Variants in MYRIP observed in about 807,000 individuals in gnomAD.
MYRIP encodes the protein myosin VIIA and Rab interacting protein.
In MYRIP, 49 loss-of-function variants were observed where a neutral mutation model predicts 98.0. The ratio of observed to expected loss-of-function variants is 0.50; its 90% CI spans 0.40 to 0.63. MYRIP has a LOEUF of 0.63. Ranked by LOEUF, MYRIP falls within the 30% of genes least tolerant of loss-of-function variation. The pLI, the probability that MYRIP is intolerant of heterozygous loss-of-function variation, is 0.00. For missense variants in MYRIP, 1,004 were observed against 1,058.2 expected (o/e 0.95, Z 0.71); for synonymous variants, 404 against 409.5 (o/e 0.99, Z 0.16).
intron 4 of MYRIP, among the ~76,000 whole-genome samples, chr3:40,153,009 C>T (rs1279535563): frequency 6.6e-6 from 1 of 151,468 alleles, no homozygotes. Context: ...CTTTGAGCTA[C>T]TTGGGAGACT....
intron 1 of MYRIP, among the ~76,000 whole-genome samples, chr3:39,879,674 T>C (rs1336481111): frequency 1.3e-5 from 2 of 152,142 alleles, no homozygotes; most frequent in Non-Finnish European, 2.9e-5. Flanking sequence ...GCTTGAGATA[T>C]TTATTAAGAC....
chr3:40,125,087 A>G (rs1949495048), intron 3 of MYRIP, among the ~76,000 whole-genome samples: 1 of 152,202 alleles, frequency 6.6e-6, no homozygotes, highest in South Asian at 2.1e-4. Context: ...TAAGGATTAG[A>G]ACCAGGCCTG....
chr3:40,030,925 AAAC>A (rs1947246790), intron 2 of MYRIP, among the ~76,000 whole-genome samples: 1 of 152,112 alleles, frequency 6.6e-6, no homozygotes, highest in African/African-American at 2.4e-5. Context: ...AATATACTAA[AAAC>A]CGCTGAATTG....
At position 40,100,158 on chromosome 3, in the gene MYRIP, C is replaced by G. The variant is rs941840016; in HGVS notation, c.333-50890C>G. The G allele has an allele frequency of 4.1e-6, 4 of 985,314 alleles. No individual in the cohort carries two copies. In the African/African-American group the frequency reaches 7.0e-5, roughly 17 times the overall value. The allele number at this position is 985,314 out of a possible 1,614,324, so 61.0% of individuals were successfully genotyped here. On this transcript the variant is annotated intron_variant, in intron 3 of 16. Transcript: ENST00000302541. Reference sequence around the variant, plus strand: ...GACATGGAGTGAAGATTTTGGAGCTCTGTGCCCTGTGTCCTGGCGTTTAAT... The same window carrying G: ...GACATGGAGTGAAGATTTTGGAGCTGTGTGCCCTGTGTCCTGGCGTTTAAT...
chr3:39,928,022 G>T (rs958624087), intron 2 of MYRIP, among the ~76,000 whole-genome samples: 2 of 151,938 alleles, frequency 1.3e-5, no homozygotes, highest in African/African-American at 4.8e-5. Flanking sequence ...AGGCATTGAA[G>T]ACACATACCT....
At chr3:40,086,926 G>T (rs1385248231) in intron 3 of MYRIP, among the ~76,000 whole-genome samples, 1 of 152,042 alleles carries the variant, frequency 6.6e-6, no homozygotes, top group Non-Finnish European at 1.5e-5. Flanking sequence ...GGCATTCAGA[G>T]CTCTGGGGTA....
chr3:39,904,328 C>T (rs958927203), intron 2 of MYRIP, among the ~76,000 whole-genome samples: 5 of 152,090 alleles, frequency 3.3e-5, no homozygotes, highest in Non-Finnish European at 7.4e-5. Flanking sequence ...CTCTGTCTCC[C>T]GGGTTCAAGA....
At chr3:39,985,996 GA>G (rs1384389650) in intron 2 of MYRIP, among the ~76,000 whole-genome samples, 2 of 152,132 alleles carry the variant, frequency 1.3e-5, no homozygotes, top group Admixed American at 6.5e-5. Flanking sequence ...CACAGCAAAA[GA>G]AACTACCATC....
chr3:40,179,868 G>A (rs991687847), intron 8 of MYRIP, among the ~76,000 whole-genome samples: 19 of 152,330 alleles, frequency 1.2e-4, no homozygotes, highest in South Asian at 4.1e-4. Context: ...GGCCAAGGGC[G>A]TGTCCCTCTT....
At chr3:39,879,760 T>C (rs1453554017) in intron 1 of MYRIP, among the ~76,000 whole-genome samples, 1 of 152,192 alleles carries the variant, frequency 6.6e-6, no homozygotes, top group Non-Finnish European at 1.5e-5. Context: ...TGCTCAGATT[T>C]TTCACGGTTC....
intron 3 of MYRIP, among the ~76,000 whole-genome samples, chr3:40,120,372 A>T (rs1360993392): frequency 6.6e-6 from 1 of 152,202 alleles, no homozygotes; most frequent in Non-Finnish European, 1.5e-5. Flanking sequence ...ACTTAACATT[A>T]CCATTAGTCA....
chr3:40,255,737 A>T (rs1953566023), intron 16 of MYRIP, among the ~76,000 whole-genome samples: 2 of 152,210 alleles, frequency 1.3e-5, no homozygotes, highest in South Asian at 4.1e-4. Flanking sequence ...GGTGACTTTA[A>T]AACTCCCTTA....
chr3:40,117,439 C>T (rs543998276), intron 3 of MYRIP, among the ~76,000 whole-genome samples: 1 of 152,186 alleles, frequency 6.6e-6, no homozygotes, highest in South Asian at 2.1e-4. Flanking sequence ...TTCTGCCCAT[C>T]ATTGATCCCT....
chr3:40,245,581 A>G (rs112854537), intron 13 of MYRIP, among the ~76,000 whole-genome samples: 5,751 of 146,078 alleles, frequency 0.039, 266 homozygotes, highest in African/African-American at 0.11. Context: ...CCCGGGAGGC[A>G]GAGCTTGCAG....
At chr3:39,951,309 G>A (rs894085363) in intron 2 of MYRIP, among the ~76,000 whole-genome samples, 1 of 152,016 alleles carries the variant, frequency 6.6e-6, no homozygotes, top group East Asian at 1.9e-4. Context: ...AAACTACACT[G>A]TCCCAAGATT....
At chr3:39,838,581 C>A (rs1020732340) in intron 1 of MYRIP, among the ~76,000 whole-genome samples, 1 of 151,840 alleles carries the variant, frequency 6.6e-6, no homozygotes, top group Non-Finnish European at 1.5e-5. Flanking sequence ...GGTGGATAAG[C>A]CTTTTAATGT....
chr3:40,112,043 C>T (rs937095491), intron 3 of MYRIP, among the ~76,000 whole-genome samples: 2 of 152,174 alleles, frequency 1.3e-5, no homozygotes, highest in Non-Finnish European at 2.9e-5. Flanking sequence ...TTGATGCCCT[C>T]ATCCACAGAC....
chr3:40,084,679 AATAT>A (rs1948575833), intron 3 of MYRIP, among the ~76,000 whole-genome samples: 1 of 145,038 alleles, frequency 6.9e-6, no homozygotes, highest in African/African-American at 2.6e-5. Context: ...ATCGATAGAT[AATAT>A]CTATGTATTA....
chr3:40,198,609 AT>A (rs1951466241), intron 10 of MYRIP, among the ~76,000 whole-genome samples: 1 of 152,192 alleles, frequency 6.6e-6, no homozygotes, highest in Non-Finnish European at 1.5e-5. Flanking sequence ...GCCAGATACC[AT>A]TTTGAAATGG....
Sources: gnomAD v4.1 joint callset for allele counts (sites outside exome capture counted in the v4.1 genomes callset) on GRCh38, gnomAD v4.1.1 for gene constraint, MANE v1.5 for transcripts, NCBI Gene and HGNC (gene_info 2026-07-23, HGNC 2026-07-21) for gene names.